The following NRXN3 variants were observed in gnomAD, a reference collection of about 807,000 sequenced individuals.
The protein encoded by NRXN3 is neurexin 3, also known as neurexin III.
A neutral mutation model predicts 137.6 loss-of-function variants in NRXN3; 32 were observed. The observed-to-expected ratio is 0.23, with a 90% CI of 0.18 to 0.31. The LOEUF (loss-of-function observed/expected upper bound fraction) is 0.31. Among genes scored for constraint, NRXN3 ranks in the 10% least tolerant of loss-of-function variants. The probability of loss-of-function intolerance (pLI) is 1.00; values close to 1 mark genes in which losing one functional copy is unlikely to be tolerated. For synonymous variants in NRXN3, 798 were observed against 784.5 expected (o/e 1.02, Z -0.29); for missense variants, 1,574 against 2,062.5 (o/e 0.76, Z 4.59).
At chr14:79,299,304 C>G (rs904264652) in intron 15 of NRXN3, among the ~76,000 whole-genome samples, 28 of 152,012 alleles carry the variant, frequency 1.8e-4, no homozygotes, top group African/African-American at 6.0e-4. Context: ...GAGCTTTTAA[C>G]TCCACATACC....
At chr14:79,794,155 G>C (rs1051664703) in intron 19 of NRXN3, among the ~76,000 whole-genome samples, 1 of 152,070 alleles carries the variant, frequency 6.6e-6, no homozygotes, top group Non-Finnish European at 1.5e-5. Flanking sequence ...ACGAGGTCAG[G>C]AGTTTGAGAC....
intron 15 of NRXN3, among the ~76,000 whole-genome samples, chr14:79,040,799 G>T (rs770026248): frequency 6.6e-6 from 1 of 152,124 alleles, no homozygotes; most frequent in South Asian, 2.1e-4. Flanking sequence ...CTCCTAATGC[G>T]CATGTGGGCT....
chr14:78,375,758 C>G (rs1314890804), intron 4 of NRXN3, among the ~76,000 whole-genome samples: 1 of 152,096 alleles, frequency 6.6e-6, no homozygotes, highest in Non-Finnish European at 1.5e-5. Flanking sequence ...GGCATTTTAT[C>G]TGAAATCTGA....
intron 15 of NRXN3, among the ~76,000 whole-genome samples, chr14:79,383,245 G>T (rs373301615): frequency 1.3e-3 from 198 of 152,170 alleles, no homozygotes; most frequent in African/African-American, 4.6e-3. Flanking sequence ...GTGGAAGTCA[G>T]CATATGTTTG....
At chr14:78,651,656 G>A (rs1485500665) in intron 6 of NRXN3, among the ~76,000 whole-genome samples, 1 of 152,170 alleles carries the variant, frequency 6.6e-6, no homozygotes, top group East Asian at 1.9e-4. Flanking sequence ...CATGGCAGAA[G>A]GCAAGGAGGA....
At chr14:79,549,592 T>C (rs2097354097) in intron 16 of NRXN3, among the ~76,000 whole-genome samples, 1 of 152,120 alleles carries the variant, frequency 6.6e-6, no homozygotes, top group South Asian at 2.1e-4. Flanking sequence ...GGTCAACATC[T>C]GCTCTGCAAA....
intron 10 of NRXN3, among the ~76,000 whole-genome samples, chr14:78,867,001 G>T (rs2099088714): frequency 6.6e-6 from 1 of 152,002 alleles, no homozygotes; most frequent in African/African-American, 2.4e-5. Flanking sequence ...GTTTCACCAT[G>T]TTGGCCAGGA....
rs139149422 is a variant in NRXN3, at chr14:78,594,152, C to T, written c.758-50968C>T. On this transcript the variant is annotated intron_variant, in intron 4 of 20. Coordinates refer to ENST00000335750, the MANE Select transcript of NRXN3 (RefSeq NM_001330195.2). ...ATGTGTGCTGAGCCTTGGGAGGCGCCGATTGGCTGGCAGTGAGGTAATGCA... is the reference window on the plus strand; with the variant it reads ...ATGTGTGCTGAGCCTTGGGAGGCGCTGATTGGCTGGCAGTGAGGTAATGCA... Among the ~76,000 whole-genome samples the T allele has an allele frequency of 4.8e-3, 724 of 152,272 alleles. 10 individuals carry two copies. Among genetic ancestry groups the T allele is most frequent in the African/African-American group, 0.017 (686 of 41,556 alleles).
intron 6 of NRXN3, among the ~76,000 whole-genome samples, chr14:78,663,824 G>C (rs2097859592): frequency 6.6e-6 from 1 of 151,914 alleles, no homozygotes; most frequent in Non-Finnish European, 1.5e-5. Flanking sequence ...AAAATCTCTT[G>C]TGTCTTTGAA....
intron 15 of NRXN3, among the ~76,000 whole-genome samples, chr14:79,442,964 C>T (rs753671749): frequency 6.6e-6 from 1 of 152,132 alleles, no homozygotes; most frequent in African/African-American, 2.4e-5. Flanking sequence ...AGAAATGAGC[C>T]GGCGAGGCCA....
chr14:78,250,328 G>T (rs1322879294), intron 2 of NRXN3, among the ~76,000 whole-genome samples: 1 of 152,186 alleles, frequency 6.6e-6, no homozygotes, highest in Non-Finnish European at 1.5e-5. Flanking sequence ...CCAGGAAAGA[G>T]CAAGTTCTGA....
At chr14:79,470,849 C>T (rs1279701096) in intron 16 of NRXN3, among the ~76,000 whole-genome samples, 4 of 146,372 alleles carry the variant, frequency 2.7e-5, no homozygotes, top group African/African-American at 1.0e-4. Flanking sequence ...CAAAATTAGC[C>T]AGCGGTGTAT....
Position 79,583,144 on chromosome 14 carries a change from T to C in NRXN3, c.3445-80634T>C, listed in dbSNP as rs572355214. On this transcript the variant is annotated intron_variant, in intron 16 of 20. Coordinates refer to ENST00000335750, the MANE Select transcript of NRXN3 (RefSeq NM_001330195.2). ...ATACATCTAGAGGGAATAATTTTTC[T>C]CTAAATTCCCAGGTGGCTAAAAAGA... Among the ~76,000 whole-genome samples the C allele has an allele frequency of 4.6e-5, 7 of 152,344 alleles. No individual in the cohort carries two copies. The South Asian group carries it at 1.5e-3, about 32-fold the overall frequency.
At chr14:78,649,207 T>G in intron 5 of NRXN3, 1 of 1,240,280 alleles carries the variant, frequency 8.1e-7, no homozygotes, top group South Asian at 1.3e-5. Context: ...TTTAGTTTTT[T>G]TAATTAACAA....
intron 15 of NRXN3, among the ~76,000 whole-genome samples, chr14:79,460,387 T>G (rs981372537): frequency 1.3e-5 from 2 of 151,970 alleles, no homozygotes. Flanking sequence ...AGTGGTAGAC[T>G]TTTTTTTATT....
At chr14:79,392,969 CA>C (rs3036678) in intron 15 of NRXN3, among the ~76,000 whole-genome samples, 199 of 60,690 alleles carry the variant, frequency 3.3e-3, no homozygotes, top group South Asian at 0.028. Context: ...GGCTCCATCT[CA>C]AAAAAAAAAA....
intron 5 of NRXN3, among the ~76,000 whole-genome samples, chr14:78,646,112 T>G (rs894713354): frequency 6.6e-6 from 1 of 152,140 alleles, no homozygotes; most frequent in African/African-American, 2.4e-5. Context: ...AAGTCAACTT[T>G]GGAGCAGCCT....
In NRXN3 at chr14:79,867,194, T is replaced by C. The variant is rs1296414867; in HGVS notation, c.*5230T>C. The C allele has an allele frequency of 6.6e-6, 1 of 152,192 alleles. No homozygotes were observed. Among genetic ancestry groups the C allele is most frequent in the African/African-American group, 2.4e-5 (1 of 41,440 alleles). The allele number at this position is 152,192 out of a possible 1,614,324, so 9.4% of individuals were successfully genotyped here. On this transcript the variant is annotated 3_prime_UTR_variant, in exon 21 of 21. Coordinates refer to ENST00000335750, the MANE Select transcript of NRXN3 (RefSeq NM_001330195.2). ...TTGTGGTTCCAAATTTAGAGCTCTT[T>C]CATAAACCTGTCTCTAGAGAAGCAA...
chr14:78,186,376 T>C (rs2060229527), intron 1 of NRXN3, among the ~76,000 whole-genome samples: 1 of 152,258 alleles, frequency 6.6e-6, no homozygotes, highest in Non-Finnish European at 1.5e-5. Flanking sequence ...TGCAGGAACC[T>C]GAGTTCATGC....
Sources: gnomAD v4.1 joint callset for allele counts (sites outside exome capture counted in the v4.1 genomes callset) on GRCh38, gnomAD v4.1.1 for gene constraint, MANE v1.5 for transcripts, NCBI Gene and HGNC (gene_info 2026-07-23, HGNC 2026-07-21) for gene names.